ANAPC10: variants seen among roughly 807,000 people sequenced by gnomAD.
ANAPC10 encodes anaphase-promoting complex subunit 10.
Under a neutral mutation model 22.0 loss-of-function variants are expected in ANAPC10, and 12 were observed. The observed-to-expected ratio is 0.55, with a 90% confidence interval of 0.35 to 0.88. The LOEUF (loss-of-function observed/expected upper bound fraction) is 0.88, where lower values mean the gene tolerates loss of function less well. ANAPC10 is among the 40% of genes least tolerant of loss of function. The probability of loss-of-function intolerance (pLI) is 0.01; values close to 1 mark genes in which losing one functional copy is unlikely to be tolerated. For synonymous variants in ANAPC10, 65 were observed against 69.5 expected, an observed-to-expected ratio of 0.94 and a Z score of 0.32; for missense variants, 188 against 220.9, an observed-to-expected ratio of 0.85 and a Z score of 0.94.
At chr4:145,053,918 G>GTT (rs890664203) in intron 4 of ANAPC10, 28 of 351,906 alleles carry the variant, frequency 8.0e-5, no homozygotes, top group South Asian at 2.2e-4. Flanking sequence ...GTGTGTGTGT[G>GTT]TTTTTTTTTT....
At chr4:145,026,941 A>G (rs199639427) in intron 4 of ANAPC10, among the ~76,000 whole-genome samples, 648 of 24,648 alleles carry the variant, frequency 0.026, 24 homozygotes, top group Non-Finnish European at 0.037. Context: ...ATATATATAT[A>G]TATATGTGTG....
Position 145,016,758 on chromosome 4 carries a change from G to A in ANAPC10, c.328-21155C>T, listed in dbSNP as rs1318508871. On this transcript the variant is annotated intron_variant, in intron 4 of 4. Coordinates refer to ENST00000507656, the MANE Select transcript of ANAPC10 (RefSeq NM_001256706.2). ...ACAGTAACCAAAACAGCATGGTACT[G>A]GTACCAAAACAGATATACAGACCAA... 3.3e-5 allele frequency among the ~76,000 whole-genome samples: 5 copies of A among 152,218 alleles called. No homozygotes were observed. In the East Asian group the frequency reaches 9.7e-4, roughly 29 times the overall value.
intron 3 of ANAPC10, among the ~76,000 whole-genome samples, chr4:145,081,189 C>T (rs1404225534): frequency 7.2e-6 from 1 of 138,042 alleles, no homozygotes; most frequent in Non-Finnish European, 1.6e-5. Flanking sequence ...CCTCAAAAAG[C>T]ATTATCAAAA....
At chr4:145,059,933 G>T (rs367846593) in intron 4 of ANAPC10, among the ~76,000 whole-genome samples, 1 of 151,810 alleles carries the variant, frequency 6.6e-6, no homozygotes, top group Non-Finnish European at 1.5e-5. Context: ...ATGCTAAAAC[G>T]CAAGGGATTT....
At chr4:145,097,735 T>A in intron 1 of ANAPC10, 1 of 359,218 alleles carries the variant, frequency 2.8e-6, no homozygotes, top group Admixed American at 3.7e-5. Context: ...CCTGCAACCA[T>A]CATTACTAAC....
chr4:145,013,636 A>G (rs1169260716), intron 4 of ANAPC10, among the ~76,000 whole-genome samples: 2 of 152,246 alleles, frequency 1.3e-5, no homozygotes, highest in African/African-American at 4.8e-5. Context: ...GTGGAGGCTC[A>G]TATCGTGAAT....
chr4:145,034,523 T>TTATATATATACATATATA (rs1738159520), intron 4 of ANAPC10, among the ~76,000 whole-genome samples: 1 of 91,914 alleles, frequency 1.1e-5, no homozygotes, highest in East Asian at 4.7e-4. Context: ...AAACTCTCCT[T>TTATATATATACATATATA]TATATATATA....
chr4:145,040,119 GTGTGTGTGTA>G (rs1429548471), intron 4 of ANAPC10, among the ~76,000 whole-genome samples: 3 of 91,100 alleles, frequency 3.3e-5, no homozygotes, highest in African/African-American at 8.2e-5. Flanking sequence ...TTTTGTTTTA[GTGTGTGTGTA>G]TGTGTGTGTG....
At chr4:145,090,813 A>G (rs769090314) in intron 2 of ANAPC10, among the ~76,000 whole-genome samples, 4 of 152,218 alleles carry the variant, frequency 2.6e-5, no homozygotes, top group Admixed American at 1.3e-4. Flanking sequence ...TTATGTAGTA[A>G]TAGTTTAAAG....
chr4:145,044,499 C>A (rs1272355332), intron 4 of ANAPC10, among the ~76,000 whole-genome samples: 1 of 152,090 alleles, frequency 6.6e-6, no homozygotes, highest in African/African-American at 2.4e-5. Flanking sequence ...CATGACCCAC[C>A]TCCACCCACA....
intron 4 of ANAPC10, among the ~76,000 whole-genome samples, chr4:145,026,938 T>C (rs1412327533): frequency 4.2e-5 from 1 of 24,086 alleles, no homozygotes; most frequent in Non-Finnish European, 8.7e-5. Flanking sequence ...TATATATATA[T>C]ATATATATGT....
chr4:145,094,924 A>C (rs1360069180), intron 2 of ANAPC10, among the ~76,000 whole-genome samples: 1 of 152,204 alleles, frequency 6.6e-6, no homozygotes, highest in African/African-American at 2.4e-5. Flanking sequence ...ATCCCAACAA[A>C]GAGTAAAAGG....
intron 2 of ANAPC10, among the ~76,000 whole-genome samples, chr4:145,084,278 ATTTCAAATTACTAGT>A (rs1746537452): frequency 1.3e-5 from 2 of 152,246 alleles, no homozygotes. Context: ...TTTGCATTGA[ATTTCAAATTACTAGT>A]TAGCTAGATA....
chr4:145,092,437 G>A (rs1579177930), intron 2 of ANAPC10, among the ~76,000 whole-genome samples: 1 of 151,990 alleles, frequency 6.6e-6, no homozygotes. Flanking sequence ...CCCATTCCCA[G>A]GAGAAAAAAA....
intron 4 of ANAPC10, among the ~76,000 whole-genome samples, chr4:145,000,170 A>G (rs1732302568): frequency 5.3e-5 from 8 of 152,248 alleles, no homozygotes; most frequent in Admixed American, 5.2e-4. Context: ...AAACACCAAA[A>G]GCAGTGGCAA....
intron 3 of ANAPC10, among the ~76,000 whole-genome samples, chr4:145,065,388 T>A (rs1743531507): frequency 6.6e-6 from 1 of 152,042 alleles, no homozygotes; most frequent in Non-Finnish European, 1.5e-5. Context: ...ATTAGTTTTA[T>A]CATCATATTG....
intron 4 of ANAPC10, among the ~76,000 whole-genome samples, chr4:145,036,598 T>C (rs1738575227): frequency 6.6e-6 from 1 of 152,146 alleles, no homozygotes; most frequent in South Asian, 2.1e-4. Flanking sequence ...ATCCTTCTGC[T>C]TCACCTCCCA....
chr4:145,001,454 AG>A (rs1448451894), intron 4 of ANAPC10, among the ~76,000 whole-genome samples: 1 of 152,192 alleles, frequency 6.6e-6, no homozygotes, highest in Non-Finnish European at 1.5e-5. Context: ...GTGGTTGCCA[AG>A]GGGAAAGAGA....
intron 4 of ANAPC10, among the ~76,000 whole-genome samples, chr4:145,048,683 T>C (rs1439765807): frequency 1.3e-5 from 2 of 151,804 alleles, no homozygotes; most frequent in Admixed American, 6.6e-5. Context: ...TCTAAAACAA[T>C]GCTGCCAAAG....
Sources: gnomAD v4.1 joint callset for allele counts (sites outside exome capture counted in the v4.1 genomes callset) on GRCh38, gnomAD v4.1.1 for gene constraint, MANE v1.5 for transcripts, NCBI Gene and HGNC (gene_info 2026-07-23, HGNC 2026-07-21) for gene names.